Variants in CLTC observed in about 807,000 individuals in gnomAD.
The protein encoded by CLTC is clathrin heavy chain 1.
CLTC carries 16 observed loss-of-function variants against 195.8 expected under a neutral mutation model. The ratio of observed to expected loss-of-function variants is 0.08; its 90% CI spans 0.06 to 0.12. The LOEUF is 0.12. Among genes scored for constraint, CLTC ranks in the 10% least tolerant of loss-of-function variants. The pLI is 1.00. For synonymous variants in CLTC, 667 were observed against 689.4 expected (o/e 0.97, Z 0.51); for missense variants, 796 against 2,027.0 (o/e 0.39, Z 11.66).
In CLTC at chr17:59,663,850, T is replaced by G; in HGVS notation, c.1377T>G (p.Cys459Trp). 1 of 1,612,312 alleles carries G rather than the reference T, an allele frequency of 6.2e-7. No homozygotes were observed. Among genetic ancestry groups the G allele is most frequent in the South Asian group, 1.1e-5 (1 of 90,612 alleles). The change falls in exon 9 of 32, where the codon TGT becomes TGG. Residue 459 changes from cysteine (C) to tryptophan (W), a missense_variant. Physicochemically the swap from Cys to Trp is radical, Grantham distance 215. This residue lies in a region of CLTC where 293 missense variants were observed against 795.6 expected (regional missense o/e 0.37). Coordinates refer to ENST00000269122, the MANE Select transcript of CLTC (RefSeq NM_004859.4). ...CTTTTTCCTTTGGACAGCTGGAATGTTCTGAAGAACTGGGTGATCTTGTGA... is the reference window on the plus strand; with the variant it reads ...CTTTTTCCTTTGGACAGCTGGAATGGTCTGAAGAACTGGGTGATCTTGTGA... ...EKWLKEDKLECSEELGDLVKS... is the reference protein window; with the variant it reads ...EKWLKEDKLEWSEELGDLVKS...
chr17:59,680,810 C>G, intron 18 of CLTC, 102 bp from the exon 19 acceptor site: 1 of 854,694 alleles, frequency 1.2e-6, no homozygotes, highest in Non-Finnish European at 1.8e-6. Flanking sequence ...TTTCCTACTT[C>G]ATTCTTTTCT....
Position 59,695,215 on chromosome 17 carries a change from C to G in CLTC, c.*1363C>G, listed in dbSNP as rs2033393048. ...GTGTGAATCCAGCTCTTGCTTATGG[C>G]TGAGAATGTTCCTAAAGTTCATTTC... On this transcript the variant is annotated 3_prime_UTR_variant, in exon 32 of 32. Transcript: ENST00000269122. 1 of 199,850 alleles carries G rather than the reference C, an allele frequency of 5.0e-6. No homozygotes were observed. Among genetic ancestry groups the G allele is most frequent in the Non-Finnish European group, 1.0e-5 (1 of 96,924 alleles). 12.4% of individuals were successfully genotyped at this position (199,850 alleles called of 1,614,324 possible). A position where few individuals can be genotyped will look rare whatever the true frequency, so the allele number is the denominator to read the frequency against.
intron 1 of CLTC, among the ~76,000 whole-genome samples, chr17:59,627,466 T>C (rs2031585837): frequency 6.6e-6 from 1 of 152,238 alleles, no homozygotes; most frequent in African/African-American, 2.4e-5. Flanking sequence ...ACTTTTAATA[T>C]TTATTCTTTC....
Position 59,647,386 on chromosome 17 carries a change from T to C in CLTC, c.251-12T>C, listed in dbSNP as rs2032223953. The C allele has an allele frequency of 1.9e-6, 3 of 1,599,430 alleles. No individual in the cohort carries two copies. The highest frequency in any genetic ancestry group is 2.6e-6 in the Non-Finnish European group (3 of 1,168,826). On this transcript the variant is annotated splice_polypyrimidine_tract_variant and intron_variant, in intron 2 of 31. Coordinates refer to ENST00000269122, the MANE Select transcript of CLTC (RefSeq NM_004859.4). ...TCTTTTAATGATTTATAATTCTTGATTTTGTTTTTAGCTGGGAAAACTCTT... is the reference window on the plus strand; with the variant it reads ...TCTTTTAATGATTTATAATTCTTGACTTTGTTTTTAGCTGGGAAAACTCTT...
intron 14 of CLTC, 44 bp from the exon 15 acceptor site, chr17:59,673,603 C>T (rs773858469): frequency 7.3e-6 from 11 of 1,500,886 alleles, no homozygotes; most frequent in African/African-American, 1.4e-5. Flanking sequence ...TTTGATACCT[C>T]ATAGAAGAAA....
intron 1 of CLTC, among the ~76,000 whole-genome samples, chr17:59,639,502 A>G (rs1202606360): frequency 2.0e-5 from 3 of 152,206 alleles, no homozygotes; most frequent in Non-Finnish European, 4.4e-5. Context: ...CTCCAGCTTC[A>G]ACACTAATGG....
intron 5 of CLTC, among the ~76,000 whole-genome samples, chr17:59,652,035 C>G (rs889899568): frequency 1.3e-5 from 2 of 152,198 alleles, no homozygotes; most frequent in African/African-American, 4.8e-5. Context: ...CCTTTACCAG[C>G]AGTAGATTTT....
At chr17:59,688,516 CTTT>C (rs1018863825) in intron 30 of CLTC, among the ~76,000 whole-genome samples, 1 of 151,306 alleles carries the variant, frequency 6.6e-6, no homozygotes, top group Non-Finnish European at 1.5e-5. Context: ...GACTTCTCTG[CTTT>C]TTTTTTGAGC....
chr17:59,637,057 C>T (rs944596510), intron 1 of CLTC, among the ~76,000 whole-genome samples: 2 of 150,398 alleles, frequency 1.3e-5, no homozygotes, highest in Non-Finnish European at 3.0e-5. Context: ...GCTGGAATTA[C>T]AGGAATGAGC....
chr17:59,691,556 A>G (rs1170389858), intron 31 of CLTC, among the ~76,000 whole-genome samples: 3 of 151,488 alleles, frequency 2.0e-5, no homozygotes, highest in South Asian at 4.2e-4. Flanking sequence ...CCCGGGAGGC[A>G]GAGGTTGCAG....
In CLTC at chr17:59,663,823, C is replaced by G. The variant is rs2032664989; in HGVS notation, c.1369-19C>G. ...AACAGTTCATGGATCACTAAACAAT[C>G]TCTTTTTCCTTTGGACAGCTGGAAT... On this transcript the variant is annotated intron_variant, in intron 8 of 31. Coordinates refer to ENST00000269122, the MANE Select transcript of CLTC (RefSeq NM_004859.4). 1 of 1,604,600 alleles carries G rather than the reference C, an allele frequency of 6.2e-7. No individual in the cohort carries two copies. Among genetic ancestry groups the G allele is most frequent in the African/African-American group, 1.3e-5 (1 of 74,500 alleles).
intron 1 of CLTC, among the ~76,000 whole-genome samples, chr17:59,628,063 G>A (rs578165860): frequency 1.9e-4 from 29 of 152,292 alleles, no homozygotes; most frequent in Non-Finnish European, 3.2e-4. Flanking sequence ...GTGCTTTGGA[G>A]GCAGACTGCC....
intron 6 of CLTC, among the ~76,000 whole-genome samples, chr17:59,659,656 G>A (rs1295556742): frequency 1.3e-5 from 2 of 151,448 alleles, no homozygotes; most frequent in African/African-American, 4.9e-5. Context: ...CACCATGTTG[G>A]TCAGGCTGGT....
intron 10 of CLTC, among the ~76,000 whole-genome samples, chr17:59,665,441 A>G (rs1184484528): frequency 6.6e-6 from 1 of 152,174 alleles, no homozygotes; most frequent in Non-Finnish European, 1.5e-5. Context: ...ATAAAACAGG[A>G]TAGTGGTTGC....
intron 1 of CLTC, among the ~76,000 whole-genome samples, chr17:59,638,546 C>T (rs2031936857): frequency 6.6e-6 from 1 of 151,896 alleles, no homozygotes; most frequent in Non-Finnish European, 1.5e-5. Context: ...GAAAATTTTT[C>T]CACCGGTTGG....
At chr17:59,679,360 T>A (rs549489223) in intron 17 of CLTC, 37 bp from the exon 18 acceptor site, 5 of 1,556,958 alleles carry the variant, frequency 3.2e-6, no homozygotes, top group Non-Finnish European at 4.4e-6. Context: ...AGTCCTTTAC[T>A]TTTTACCTTG....
At chr17:59,624,604 G>T (rs1377344256) in intron 1 of CLTC, among the ~76,000 whole-genome samples, 1 of 151,786 alleles carries the variant, frequency 6.6e-6, no homozygotes. Context: ...AAGTAGCTGG[G>T]ATTTTAGGTG....
At position 59,660,403 on chromosome 17, in the gene CLTC, T is replaced by A; in HGVS notation, c.982T>A (p.Cys328Ser). Reference sequence around the variant, plus strand: ...CTTTAAATTGCAGGTTCTGTCAGTGTGTGTGGAAGAAGAAAACATAATTCC... The same window carrying A: ...CTTTAAATTGCAGGTTCTGTCAGTGAGTGTGGAAGAAGAAAACATAATTCC... Reference protein sequence around the residue: ...VNRKGQVLSVCVEEENIIPYI... With the variant: ...VNRKGQVLSVSVEEENIIPYI... The change falls in exon 7 of 32, where the codon TGT becomes AGT. Residue 328 changes from cysteine to serine, a missense_variant. By Grantham distance (112) the Cys-to-Ser change is moderately radical. This residue lies in a region of CLTC where 293 missense variants were observed against 795.6 expected (regional missense o/e 0.37). Coordinates refer to ENST00000269122, the MANE Select transcript of CLTC (RefSeq NM_004859.4). 1 of 1,613,948 alleles carries A rather than the reference T, an allele frequency of 6.2e-7. No individual in the cohort carries two copies. Among genetic ancestry groups the A allele is most frequent in the Non-Finnish European group, 8.5e-7 (1 of 1,179,830 alleles).
In CLTC at chr17:59,681,616, T is replaced by C; in HGVS notation, c.3250-31T>C. ...TTGCTTTGGGTAGGATTGATTTTAC[T>C]CTAACCCTAATTTCAAACTTGGATA... On this transcript the variant is annotated intron_variant, in intron 20 of 31. Transcript: ENST00000269122. The surrounding 1 kb of genome is among the most constrained non-coding windows in gnomAD (Gnocchi z 5.0). 1 of 1,594,202 alleles carries C rather than the reference T, an allele frequency of 6.3e-7. No individual in the cohort carries two copies. Among genetic ancestry groups the C allele is most frequent in the Non-Finnish European group, 8.6e-7 (1 of 1,167,218 alleles).
Sources: gnomAD v4.1 joint callset for allele counts (sites outside exome capture counted in the v4.1 genomes callset) on GRCh38, gnomAD v4.1.1 for gene constraint, gnomAD v4.1.1 regional missense constraint, Gnocchi (gnomAD v3.1) non-coding constraint, MANE v1.5 for transcripts, NCBI Gene and HGNC (gene_info 2026-07-23, HGNC 2026-07-21) for gene names.